Variants in SPPL3 observed in about 807,000 individuals in gnomAD.
SPPL3 encodes signal peptide peptidase like 3.
Under a neutral mutation model 42.4 loss-of-function variants are expected in SPPL3, and 5 were observed. That is an observed-to-expected ratio of 0.12 (90% CI 0.06 to 0.25). The LOEUF (loss-of-function observed/expected upper bound fraction) is 0.25, where lower values mean the gene tolerates loss of function less well. SPPL3 is among the 10% of genes least tolerant of loss of function. SPPL3 has a pLI of 1.00. For synonymous variants in SPPL3, 195 were observed against 181.8 expected, an observed-to-expected ratio of 1.07 and a Z score of -0.58; for missense variants, 235 against 489.0, an observed-to-expected ratio of 0.48 and a Z score of 4.90.
intron 8 of SPPL3, among the ~76,000 whole-genome samples, chr12:120,767,844 C>G (rs1396398645): frequency 6.6e-6 from 1 of 152,182 alleles, no homozygotes; most frequent in African/African-American, 2.4e-5. Context: ...AAGTGATTTG[C>G]ATAAGTGCTG....
At chr12:120,897,071 A>G (rs186436060) in intron 1 of SPPL3, among the ~76,000 whole-genome samples, 19 of 152,318 alleles carry the variant, frequency 1.2e-4, no homozygotes, top group African/African-American at 4.6e-4. Context: ...TAAAACAGAT[A>G]TGAATGATGA....
At chr12:120,831,081 C>T (rs1270574134) in intron 1 of SPPL3, among the ~76,000 whole-genome samples, 1 of 152,108 alleles carries the variant, frequency 6.6e-6, no homozygotes, top group Non-Finnish European at 1.5e-5. Flanking sequence ...CTCTCTCTCT[C>T]TCTCTCTCCT....
chr12:120,807,508 T>C (rs576071167), intron 2 of SPPL3, among the ~76,000 whole-genome samples: 2 of 151,828 alleles, frequency 1.3e-5, no homozygotes, highest in African/African-American at 4.8e-5. Flanking sequence ...ACACCATCTC[T>C]ACTAAAAATA....
At chr12:120,843,970 A>G (rs1871929103) in intron 1 of SPPL3, among the ~76,000 whole-genome samples, 1 of 144,732 alleles carries the variant, frequency 6.9e-6, no homozygotes, top group Non-Finnish European at 1.6e-5. Flanking sequence ...AATAAATATA[A>G]CATAACATAA....
intron 1 of SPPL3, among the ~76,000 whole-genome samples, chr12:120,870,628 A>C (rs1044030762): frequency 6.6e-6 from 1 of 152,124 alleles, no homozygotes; most frequent in Admixed American, 6.5e-5. Flanking sequence ...CTATCTATAC[A>C]TTCAAATATT....
At chr12:120,846,626 T>C (rs1311190473) in intron 1 of SPPL3, among the ~76,000 whole-genome samples, 1 of 152,162 alleles carries the variant, frequency 6.6e-6, no homozygotes, top group Non-Finnish European at 1.5e-5. Context: ...AGTCTCAAAA[T>C]TGGAGTTTTA....
chr12:120,901,572 C>G (rs1048689880), intron 1 of SPPL3, among the ~76,000 whole-genome samples: 2 of 121,612 alleles, frequency 1.6e-5, no homozygotes, highest in South Asian at 5.4e-4. Context: ...GCCTGGGTGA[C>G]AGAGCGAGAC....
At chr12:120,882,905 C>G (rs1014060810) in intron 1 of SPPL3, among the ~76,000 whole-genome samples, 3 of 148,792 alleles carry the variant, frequency 2.0e-5, no homozygotes, top group African/African-American at 7.4e-5. Context: ...TAAAACCAAT[C>G]ACAGAGGTAA....
chr12:120,857,437 G>T (rs762406132), intron 1 of SPPL3, among the ~76,000 whole-genome samples: 5 of 152,126 alleles, frequency 3.3e-5, no homozygotes, highest in Non-Finnish European at 7.4e-5. Context: ...GAATCTAGAA[G>T]CAGAAATACC....
intron 1 of SPPL3, among the ~76,000 whole-genome samples, chr12:120,880,363 A>C (rs1418354480): frequency 6.6e-6 from 1 of 152,160 alleles, no homozygotes; most frequent in Non-Finnish European, 1.5e-5. Flanking sequence ...TGGATTTGGC[A>C]GATTTCATGG....
chr12:120,871,144 A>AAG (rs993702000), intron 1 of SPPL3, among the ~76,000 whole-genome samples: 3 of 142,204 alleles, frequency 2.1e-5, no homozygotes, highest in African/African-American at 8.8e-5. Context: ...AAAAAAAAAA[A>AAG]AAAAAGAAAA....
chr12:120,903,792 C>A, intron 1 of SPPL3, 53 bp downstream of exon 1: 1 of 1,338,090 alleles, frequency 7.5e-7, no homozygotes, highest in Admixed American at 2.9e-5. Flanking sequence ...GCCGCGCCGG[C>A]GCCCCGACCC....
At chr12:120,866,789 T>C (rs960636394) in intron 1 of SPPL3, among the ~76,000 whole-genome samples, 7 of 152,220 alleles carry the variant, frequency 4.6e-5, no homozygotes, top group Admixed American at 1.3e-4. Flanking sequence ...GTATCAAACA[T>C]GTCACTTCTC....
Position 120,764,849 on chromosome 12 carries a change from C to T in SPPL3, c.*150G>A, listed in dbSNP as rs536544348. The T allele has an allele frequency of 7.6e-5, 61 of 805,642 alleles. No individual in the cohort carries two copies. The East Asian group carries it at 1.1e-3, about 15-fold the overall frequency. The allele number at this position is 805,642 out of a possible 1,614,324, so 49.9% of individuals were successfully genotyped here. ...GGCTCCAGCACCTCTCTCCTGCAAACGAGCTCCCTTTAAATGCCAAATCCA... is the reference window on the plus strand; with the variant it reads ...GGCTCCAGCACCTCTCTCCTGCAAATGAGCTCCCTTTAAATGCCAAATCCA... On this transcript the variant is annotated 3_prime_UTR_variant, in exon 11 of 11. Coordinates refer to ENST00000353487, the MANE Select transcript of SPPL3 (RefSeq NM_139015.5).
At chr12:120,832,447 G>A (rs1010669319) in intron 1 of SPPL3, among the ~76,000 whole-genome samples, 8 of 152,118 alleles carry the variant, frequency 5.3e-5, no homozygotes, top group South Asian at 2.1e-4. Flanking sequence ...CAAGGTGGGC[G>A]GATCACCTGA....
chr12:120,817,168 G>A lies in SPPL3; in HGVS notation c.24-6282C>T, dbSNP rs189570737. 1.0e-3 allele frequency among the ~76,000 whole-genome samples: 159 copies of A among 151,574 alleles called. 1 individual carries two copies. Among genetic ancestry groups the A allele is most frequent in the Admixed American group, 8.9e-3 (135 of 15,214 alleles). ...AAATCAGCCAGGCACGGTGGGGCGCGCCTGTAGTTCCAGCTACTTGGGAGG... is the reference window on the plus strand; with the variant it reads ...AAATCAGCCAGGCACGGTGGGGCGCACCTGTAGTTCCAGCTACTTGGGAGG... On this transcript the variant is annotated intron_variant, in intron 1 of 10. Coordinates refer to ENST00000353487, the MANE Select transcript of SPPL3 (RefSeq NM_139015.5).
Position 120,879,981 on chromosome 12 carries a change from CT to C in SPPL3, c.23+23863del, listed in dbSNP as rs561660479. 5.8e-3 allele frequency among the ~76,000 whole-genome samples: 822 copies of C among 142,716 alleles called. 8 individuals carry two copies. The highest frequency in any genetic ancestry group is 0.015 in the African/African-American group (587 of 39,218). 93.6% of individuals were successfully genotyped at this position (142,716 alleles called of 152,430 possible). The stretch of plus-strand genomic sequence containing the variant: ...CTCCACCTCTGTTCCCTGCTTTTAT[CT>C]TTTTTTTTTTTTCACTTTTCATTCC... On this transcript the variant is annotated intron_variant, in intron 1 of 10. Transcript: ENST00000353487.
chr12:120,812,017 G>A (rs1870698370), intron 1 of SPPL3, among the ~76,000 whole-genome samples: 1 of 151,846 alleles, frequency 6.6e-6, no homozygotes, highest in African/African-American at 2.4e-5. Context: ...ACAATAAACA[G>A]GACCTGGTGA....
intron 2 of SPPL3, among the ~76,000 whole-genome samples, chr12:120,796,760 C>T (rs1870111670): frequency 6.6e-6 from 1 of 152,156 alleles, no homozygotes; most frequent in South Asian, 2.1e-4. Flanking sequence ...TATCCAATGC[C>T]AAATGAATTG....
Sources: gnomAD v4.1 joint callset for allele counts (sites outside exome capture counted in the v4.1 genomes callset) on GRCh38, gnomAD v4.1.1 for gene constraint, MANE v1.5 for transcripts, NCBI Gene and HGNC (gene_info 2026-07-23, HGNC 2026-07-21) for gene names.